The following DIAPH3 variants were observed in gnomAD, a reference collection of about 807,000 sequenced individuals.
DIAPH3 encodes protein diaphanous homolog 3.
DIAPH3 carries 117 observed loss-of-function variants against 144.3 expected under a neutral mutation model. The ratio of observed to expected loss-of-function variants is 0.81; its 90% CI spans 0.70 to 0.95. The LOEUF (loss-of-function observed/expected upper bound fraction) is 0.95, where lower values mean the gene tolerates loss of function less well. Ranked by LOEUF, DIAPH3 falls within the 40% of genes least tolerant of loss-of-function variation. The probability of loss-of-function intolerance (pLI) is 0.00; values close to 1 mark genes in which losing one functional copy is unlikely to be tolerated. For missense variants in DIAPH3, 1,421 were observed against 1,412.7 expected (o/e 1.01, Z -0.09); for synonymous variants, 519 against 488.9 (o/e 1.06, Z -0.81).
chr13:59,706,629 T>C (rs2034444957), intron 27 of DIAPH3, among the ~76,000 whole-genome samples: 1 of 152,190 alleles, frequency 6.6e-6, no homozygotes, highest in Admixed American at 6.5e-5. Flanking sequence ...CTCCAAATGA[T>C]AAGACACTTT....
chr13:59,816,847 G>A, intron 24 of DIAPH3, among the ~76,000 whole-genome samples: 1 of 151,748 alleles, frequency 6.6e-6, no homozygotes, highest in East Asian at 1.9e-4. Flanking sequence ...ATATATGTAG[G>A]AACATTTGAC....
At chr13:60,043,407 A>C (rs1353729453) in intron 4 of DIAPH3, among the ~76,000 whole-genome samples, 1 of 152,240 alleles carries the variant, frequency 6.6e-6, no homozygotes, top group Non-Finnish European at 1.5e-5. Context: ...GGAAGCTTGC[A>C]AAACAGGGCT....
At chr13:59,917,516 A>C (rs2047280073) in intron 18 of DIAPH3, among the ~76,000 whole-genome samples, 2 of 152,272 alleles carry the variant, frequency 1.3e-5, no homozygotes, top group East Asian at 1.9e-4. Flanking sequence ...TTAAATATGA[A>C]ATCATTACAA....
intron 25 of DIAPH3, among the ~76,000 whole-genome samples, chr13:59,794,530 AAAAAATGTATCATTCATTTG>A (rs1160436220): frequency 6.6e-6 from 1 of 152,164 alleles, no homozygotes; most frequent in African/African-American, 2.4e-5. Context: ...AAAAAAAATT[AAAAAATGTATCATTCATTTG>A]AAAAGTTACA....
chr13:59,960,050 T>G (rs1301073727), intron 17 of DIAPH3, among the ~76,000 whole-genome samples: 2 of 152,174 alleles, frequency 1.3e-5, no homozygotes, highest in Non-Finnish European at 2.9e-5. Flanking sequence ...CCTCAATGAT[T>G]CACAAGACAA....
At chr13:59,852,922 T>C (rs557280843) in intron 22 of DIAPH3, among the ~76,000 whole-genome samples, 2 of 152,212 alleles carry the variant, frequency 1.3e-5, no homozygotes, top group African/African-American at 4.8e-5. Context: ...CACGGAAAAA[T>C]AACACCCACA....
At position 60,031,190 on chromosome 13, in the gene DIAPH3, G is replaced by T. The variant is rs1398983726; in HGVS notation, c.626+11500C>A. 2.0e-5 allele frequency among the ~76,000 whole-genome samples: 3 copies of T among 152,130 alleles called. No individual in the cohort carries two copies. The South Asian group carries it at 6.2e-4, about 32-fold the overall frequency. The stretch of plus-strand genomic sequence containing the variant: ...CAGAAGGTGAAGGGGTAGCAGGCAT[G>T]TCACATGGCCAGAGCCAGAGTGTGT... On this transcript the variant is annotated intron_variant, in intron 5 of 27. Transcript: ENST00000400324.
intron 4 of DIAPH3, among the ~76,000 whole-genome samples, chr13:60,067,179 G>A (rs899349622): frequency 2.0e-5 from 3 of 151,974 alleles, no homozygotes; most frequent in African/African-American, 4.8e-5. Context: ...CAGCTACTCT[G>A]GAGGCTAAGG....
intron 5 of DIAPH3, among the ~76,000 whole-genome samples, chr13:60,036,123 A>G (rs761835940): frequency 9.2e-5 from 14 of 152,206 alleles, no homozygotes; most frequent in Non-Finnish European, 5.9e-5. Flanking sequence ...TCACTCTTCT[A>G]TTCCCTTGGG....
At chr13:59,809,811 C>T (rs1047187206) in intron 25 of DIAPH3, among the ~76,000 whole-genome samples, 10 of 152,102 alleles carry the variant, frequency 6.6e-5, no homozygotes, top group African/African-American at 2.2e-4. Flanking sequence ...GCAAAGTAGG[C>T]ATCTCTGTCT....
At chr13:59,897,507 T>C (rs1460789719) in intron 20 of DIAPH3, among the ~76,000 whole-genome samples, 1 of 152,080 alleles carries the variant, frequency 6.6e-6, no homozygotes. Flanking sequence ...CCCAGCACTT[T>C]GGGAGGCCGA....
intron 27 of DIAPH3, among the ~76,000 whole-genome samples, chr13:59,722,024 T>C (rs1010689285): frequency 1.3e-5 from 2 of 152,204 alleles, no homozygotes; most frequent in Non-Finnish European, 2.9e-5. Context: ...GATATAACCA[T>C]ATGAAGCAGC....
chr13:59,921,518 A>T (rs1469847948), intron 18 of DIAPH3, among the ~76,000 whole-genome samples: 1 of 151,946 alleles, frequency 6.6e-6, no homozygotes, highest in Non-Finnish European at 1.5e-5. Flanking sequence ...ATAACTTACC[A>T]AGATTGAATT....
chr13:59,696,669 C>T (rs1255971621), intron 27 of DIAPH3, among the ~76,000 whole-genome samples: 1 of 152,090 alleles, frequency 6.6e-6, no homozygotes, highest in African/African-American at 2.4e-5. Flanking sequence ...AATTGATGCA[C>T]TTTTAAAAGT....
At chr13:59,841,961 T>C (rs1322260961) in intron 22 of DIAPH3, among the ~76,000 whole-genome samples, 1 of 152,182 alleles carries the variant, frequency 6.6e-6, no homozygotes, top group Non-Finnish European at 1.5e-5. Context: ...AGCAGTTTCA[T>C]TCCAGACCTT....
chr13:59,760,693 G>GA (rs1160299999), intron 27 of DIAPH3, among the ~76,000 whole-genome samples: 2 of 152,072 alleles, frequency 1.3e-5, no homozygotes, highest in Admixed American at 1.3e-4. Flanking sequence ...TATCTCAAAA[G>GA]AAAAAATGTT....
chr13:59,683,184 G>A (rs80285478), intron 27 of DIAPH3, among the ~76,000 whole-genome samples: 6,920 of 152,086 alleles, frequency 0.046, 179 homozygotes, highest in African/African-American at 0.055. Flanking sequence ...TATCTATATC[G>A]ACAGAGAGAT....
At chr13:59,947,901 C>A (rs1349500873) in intron 17 of DIAPH3, among the ~76,000 whole-genome samples, 1 of 152,000 alleles carries the variant, frequency 6.6e-6, no homozygotes, top group Non-Finnish European at 1.5e-5. Context: ...AATTTAGAAT[C>A]CAGTCCAACA....
intron 27 of DIAPH3, among the ~76,000 whole-genome samples, chr13:59,749,566 TAATAA>T (rs1273372650): frequency 2.7e-5 from 4 of 150,708 alleles, no homozygotes; most frequent in Non-Finnish European, 1.5e-5. Context: ...GTAGATGACT[TAATAA>T]AATAATCTTT....
Sources: gnomAD v4.1 joint callset for allele counts (sites outside exome capture counted in the v4.1 genomes callset) on GRCh38, gnomAD v4.1.1 for gene constraint, MANE v1.5 for transcripts, NCBI Gene and HGNC (gene_info 2026-07-23, HGNC 2026-07-21) for gene names.